Variants in LIPC observed in about 807,000 individuals in gnomAD.
LIPC encodes hepatic triacylglycerol lipase.
A neutral mutation model predicts 50.7 loss-of-function variants in LIPC; 44 were observed. The ratio of observed to expected loss-of-function variants is 0.87; its 90% CI spans 0.68 to 1.11. The LOEUF (loss-of-function observed/expected upper bound fraction) is 1.11. Among genes scored for constraint, LIPC ranks in the 50% most tolerant of loss-of-function variants. The pLI is 0.00. For synonymous variants in LIPC, 271 were observed against 256.4 expected, an observed-to-expected ratio of 1.06 and a Z score of -0.54; for missense variants, 697 against 648.2, an observed-to-expected ratio of 1.08 and a Z score of -0.82.
chr15:58,528,500 T>C (rs1892856648), intron 1 of LIPC, among the ~76,000 whole-genome samples: 1 of 152,176 alleles, frequency 6.6e-6, no homozygotes, highest in South Asian at 2.1e-4. Flanking sequence ...GCAATCTGGC[T>C]CCAGAGCTCG....
intron 6 of LIPC, among the ~76,000 whole-genome samples, chr15:58,560,489 T>A (rs1339325606): frequency 6.6e-6 from 1 of 152,174 alleles, no homozygotes; most frequent in East Asian, 1.9e-4. Context: ...GTCAAATGCC[T>A]AAAAGGCATA....
intron 1 of LIPC, among the ~76,000 whole-genome samples, chr15:58,443,382 A>G (rs1274308484): frequency 6.6e-6 from 1 of 152,180 alleles, no homozygotes; most frequent in African/African-American, 2.4e-5. Context: ...GACCCCTCAC[A>G]TCTCAGCCTC....
At chr15:58,482,551 G>A (rs748716936) in intron 1 of LIPC, among the ~76,000 whole-genome samples, 1 of 152,138 alleles carries the variant, frequency 6.6e-6, no homozygotes, top group Non-Finnish European at 1.5e-5. Flanking sequence ...ATAAGGGTAA[G>A]AAACAGTCCA....
At chr15:58,507,268 C>T (rs1892182393) in intron 1 of LIPC, among the ~76,000 whole-genome samples, 1 of 151,274 alleles carries the variant, frequency 6.6e-6, no homozygotes, top group African/African-American at 2.4e-5. Context: ...GAGAAATATA[C>T]TTTTCTTTTT....
chr15:58,460,160 C>A (rs746702038), intron 1 of LIPC, among the ~76,000 whole-genome samples: 1 of 152,210 alleles, frequency 6.6e-6, no homozygotes, highest in Non-Finnish European at 1.5e-5. Flanking sequence ...TCCCCAAAAC[C>A]CTTCCACTCT....
intron 1 of LIPC, among the ~76,000 whole-genome samples, chr15:58,500,101 C>T (rs1046498477): frequency 1.3e-5 from 2 of 152,094 alleles, no homozygotes; most frequent in African/African-American, 2.4e-5. Flanking sequence ...ACGTAAGGAT[C>T]CCCACATCCC....
At chr15:58,437,368 G>T (rs1186393073) in intron 1 of LIPC, among the ~76,000 whole-genome samples, 1 of 151,460 alleles carries the variant, frequency 6.6e-6, no homozygotes, top group Non-Finnish European at 1.5e-5. Context: ...TAAGAAAATT[G>T]TATATGCAAT....
At chr15:58,512,969 A>G (rs1353440921) in intron 1 of LIPC, among the ~76,000 whole-genome samples, 3 of 152,134 alleles carry the variant, frequency 2.0e-5, no homozygotes, top group Non-Finnish European at 4.4e-5. Context: ...ACGAAAAAAA[A>G]AAAAAAGTAA....
chr15:58,552,449 G>T (rs1008087289), intron 6 of LIPC, among the ~76,000 whole-genome samples: 4 of 152,074 alleles, frequency 2.6e-5, no homozygotes, highest in Non-Finnish European at 4.4e-5. Context: ...TGCATGTCCC[G>T]CCTCCTCCTC....
intron 1 of LIPC, among the ~76,000 whole-genome samples, chr15:58,442,862 C>G (rs1483496007): frequency 6.6e-6 from 1 of 152,190 alleles, no homozygotes; most frequent in African/African-American, 2.4e-5. Context: ...TCTGGTGTCC[C>G]TCTCAGAGCC....
chr15:58,471,638 G>A (rs1890809325), intron 1 of LIPC, among the ~76,000 whole-genome samples: 1 of 152,326 alleles, frequency 6.6e-6, no homozygotes, highest in East Asian at 1.9e-4. Context: ...GGGGTGAGCT[G>A]AATAGTGAAT....
chr15:58,566,445 A>C, intron 8 of LIPC: 1 of 985,154 alleles, frequency 1.0e-6, no homozygotes, highest in Non-Finnish European at 1.2e-6. Flanking sequence ...ATAAACGAGA[A>C]TCATAATATA....
At chr15:58,479,304 G>C (rs1262884372) in intron 1 of LIPC, among the ~76,000 whole-genome samples, 1 of 152,240 alleles carries the variant, frequency 6.6e-6, no homozygotes, top group Admixed American at 6.5e-5. Flanking sequence ...AGTAGGAAAG[G>C]TAATGTTGTG....
intron 6 of LIPC, among the ~76,000 whole-genome samples, chr15:58,549,975 C>G (rs1474294001): frequency 6.6e-6 from 1 of 152,338 alleles, no homozygotes; most frequent in Non-Finnish European, 1.5e-5. Context: ...GATTAAGCCT[C>G]TTAGATAATC....
chr15:58,473,190 C>A (rs1433464606), intron 1 of LIPC, among the ~76,000 whole-genome samples: 1 of 152,002 alleles, frequency 6.6e-6, no homozygotes, highest in Non-Finnish European at 1.5e-5. Flanking sequence ...TCCTGCATTT[C>A]CTATGTTTAT....
At chr15:58,557,549 TA>T (rs1171565602) in intron 6 of LIPC, among the ~76,000 whole-genome samples, 3 of 151,976 alleles carry the variant, frequency 2.0e-5, no homozygotes, top group Admixed American at 2.0e-4. Context: ...CACGCCCCGC[TA>T]ATTTTTTGTA....
chr15:58,535,765 C>A (rs4775074), intron 1 of LIPC, among the ~76,000 whole-genome samples: 98,461 of 152,158 alleles, frequency 0.65, 32,490 homozygotes, highest in African/African-American at 0.76. Flanking sequence ...TTTAATCCTC[C>A]TAACAACCTC....
chr15:58,481,690 C>G (rs148938326), intron 1 of LIPC, among the ~76,000 whole-genome samples: 3 of 152,054 alleles, frequency 2.0e-5, no homozygotes, highest in African/African-American at 4.8e-5. Flanking sequence ...CCCAGCTACT[C>G]GAGAGGCTGA....
chr15:58,563,557 G>A lies in LIPC; in HGVS notation c.1222G>A (p.Val408Met), dbSNP rs199654215. The A allele has an allele frequency of 7.4e-5, 120 of 1,614,236 alleles. No individual in the cohort carries two copies. Among genetic ancestry groups the A allele is most frequent in the Middle Eastern group, 1.6e-4 (1 of 6,062 alleles). Reference protein sequence around the residue: ...KTYSFLITLDVDIGELIMIKF... With the variant: ...KTYSFLITLDMDIGELIMIKF... ...GTATTCCTTTCTTATCACGCTGGAT[G>A]TGGATATCGGCGAGCTGATCATGAT... The change falls in exon 8 of 9, where the codon GTG (valine) becomes ATG (methionine). Residue 408 changes from valine to methionine, a missense_variant. Coordinates refer to ENST00000299022, the MANE Select transcript of LIPC (RefSeq NM_000236.3).
Sources: allele counts gnomAD v4.1 joint callset (sites outside exome capture counted in the v4.1 genomes callset), GRCh38; gene constraint gnomAD v4.1.1; transcripts MANE v1.5; gene names NCBI Gene and HGNC (gene_info 2026-07-23, HGNC 2026-07-21).